The following GPHN variants were observed in gnomAD, a reference collection of about 807,000 sequenced individuals.
GPHN encodes gephyrin.
GPHN carries 17 observed loss-of-function variants against 95.5 expected under a neutral mutation model. The observed-to-expected ratio is 0.18, with a 90% CI of 0.12 to 0.27. GPHN has a LOEUF of 0.27. Among genes scored for constraint, GPHN ranks in the 10% least tolerant of loss-of-function variants. The probability of loss-of-function intolerance (pLI) is 1.00; values close to 1 mark genes in which losing one functional copy is unlikely to be tolerated. For missense variants in GPHN, 660 were observed against 978.1 expected (o/e 0.67, Z 4.34); for synonymous variants, 320 against 322.5 (o/e 0.99, Z 0.08).
At chr14:67,601,387 G>A in the GPHN span, among the ~76,000 whole-genome samples, 1 of 152,234 alleles carries the variant, frequency 6.6e-6, no homozygotes, top group Non-Finnish European at 1.5e-5. Flanking sequence ...AGAGGGTCTT[G>A]TAGGGTCTGG....
At chr14:66,991,326 G>A (rs961814254) in intron 9 of GPHN, among the ~76,000 whole-genome samples, 1 of 151,694 alleles carries the variant, frequency 6.6e-6, no homozygotes, top group Non-Finnish European at 1.5e-5. Flanking sequence ...GATTGGTGAT[G>A]TGCTGATAGT....
At chr14:67,470,623 C>G in the GPHN span, 2 of 152,882 alleles carry the variant, frequency 1.3e-5, no homozygotes, top group African/African-American at 4.8e-5. Flanking sequence ...CCCCAGGAGA[C>G]CCACGCAGAG....
At position 67,101,191 on chromosome 14, in the gene GPHN, G is replaced by GA. The variant is rs113722780; in HGVS notation, c.1293+290dup. On this transcript the variant is annotated intron_variant, in intron 13 of 22. Transcript: ENST00000478722. ...GTGATTGGGTGATTCTTTTTTTCCT[G>GA]AAAAAAAAAATGTTCTGAATAGAAC... Among the ~76,000 whole-genome samples the GA allele has an allele frequency of 0.059, 8,660 of 147,670 alleles. 254 individuals carry two copies. The highest frequency in any genetic ancestry group is 0.073 in the Middle Eastern group (21 of 288).
the GPHN span, among the ~76,000 whole-genome samples, chr14:67,311,413 C>G: frequency 9.0e-4 from 136 of 150,892 alleles, 1 homozygote; most frequent in South Asian, 4.0e-3. Flanking sequence ...TGAGCCTGAA[C>G]TTGGAATTTA....
chr14:67,198,377 G>A, the GPHN span: 1 of 1,479,650 alleles, frequency 6.8e-7, no homozygotes, highest in African/African-American at 1.4e-5. Flanking sequence ...TTTTCTCAAA[G>A]AAAACTGAAA....
intron 2 of GPHN, among the ~76,000 whole-genome samples, chr14:66,733,793 A>T (rs1595727255): frequency 6.6e-6 from 1 of 152,258 alleles, no homozygotes; most frequent in Non-Finnish European, 1.5e-5. Context: ...TTTTGTAAAG[A>T]CTGAAATAAT....
At chr14:67,496,002 C>T in the GPHN span, among the ~76,000 whole-genome samples, 4 of 152,154 alleles carry the variant, frequency 2.6e-5, no homozygotes, top group Non-Finnish European at 4.4e-5. Context: ...GGTTCACTGT[C>T]ACAGCTGTGT....
intron 1 of GPHN, among the ~76,000 whole-genome samples, chr14:66,579,579 T>C (rs920251907): frequency 6.6e-6 from 1 of 151,772 alleles, no homozygotes; most frequent in African/African-American, 2.4e-5. Context: ...AAATAGACAT[T>C]AAATAAAAAA....
chr14:67,645,943 G>C, the GPHN span: 3 of 980,656 alleles, frequency 3.1e-6, no homozygotes, highest in Admixed American at 7.9e-5. Context: ...TTATGGACCA[G>C]GCAGTCTGCC....
chr14:66,999,245 T>C (rs1363174574), intron 9 of GPHN, among the ~76,000 whole-genome samples: 1 of 151,898 alleles, frequency 6.6e-6, no homozygotes, highest in Non-Finnish European at 1.5e-5. Context: ...GGTATATATT[T>C]TGAGAAGATG....
At chr14:67,651,402 A>ATT in the GPHN span, 2 of 1,613,964 alleles carry the variant, frequency 1.2e-6, no homozygotes, top group Non-Finnish European at 1.7e-6. Flanking sequence ...CTGCGAAAGA[A>ATT]TTTGTAGTAA....
the GPHN span, among the ~76,000 whole-genome samples, chr14:67,208,870 C>T: frequency 6.8e-6 from 1 of 146,646 alleles, no homozygotes; most frequent in African/African-American, 2.5e-5. Context: ...GCATTCCAGC[C>T]TGGGTGACAG....
At chr14:67,492,679 C>T in the GPHN span, among the ~76,000 whole-genome samples, 17 of 152,336 alleles carry the variant, frequency 1.1e-4, no homozygotes, top group South Asian at 2.1e-4. Flanking sequence ...AACAGGACTC[C>T]GCTTTTCACA....
chr14:66,647,112 C>A (rs2153360408), intron 1 of GPHN, among the ~76,000 whole-genome samples: 1 of 150,962 alleles, frequency 6.6e-6, no homozygotes, highest in Non-Finnish European at 1.5e-5. Context: ...CACTATGTTG[C>A]CCAGGCTGGT....
the GPHN span, among the ~76,000 whole-genome samples, chr14:67,620,594 T>C: frequency 6.6e-6 from 1 of 152,148 alleles, no homozygotes; most frequent in African/African-American, 2.4e-5. Flanking sequence ...TTTTGTTCTC[T>C]TCAATGAAGG....
At chr14:67,431,137 G>GT in the GPHN span, among the ~76,000 whole-genome samples, 1 of 152,208 alleles carries the variant, frequency 6.6e-6, no homozygotes, top group African/African-American at 2.4e-5. Context: ...GCTCACGCCT[G>GT]TAATCCCAGC....
At chr14:66,976,175 A>G (rs2070207628) in intron 9 of GPHN, among the ~76,000 whole-genome samples, 1 of 152,174 alleles carries the variant, frequency 6.6e-6, no homozygotes, top group Non-Finnish European at 1.5e-5. Flanking sequence ...GATCTTTTAC[A>G]TTTAGGTAAA....
intron 5 of GPHN, among the ~76,000 whole-genome samples, chr14:66,895,048 C>T (rs577940090): frequency 1.2e-4 from 19 of 152,282 alleles, no homozygotes; most frequent in African/African-American, 3.6e-4. Context: ...GCTATAAAGG[C>T]ACATGCACAC....
intron 10 of GPHN, among the ~76,000 whole-genome samples, chr14:67,045,737 C>G (rs541898524): frequency 6.6e-6 from 1 of 151,662 alleles, no homozygotes; most frequent in Non-Finnish European, 1.5e-5. Context: ...CTCTCTCTCT[C>G]TGTCCATCTC....
Sources: gnomAD v4.1 joint callset for allele counts (sites outside exome capture counted in the v4.1 genomes callset) on GRCh38, gnomAD v4.1.1 for gene constraint, MANE v1.5 for transcripts, NCBI Gene and HGNC (gene_info 2026-07-23, HGNC 2026-07-21) for gene names.